Variants in STRN observed in about 807,000 individuals in gnomAD.
STRN encodes the protein striatin, also known as protein phosphatase 2 regulatory subunit B'''alpha.
A neutral mutation model predicts 96.3 loss-of-function variants in STRN; 53 were observed. The observed-to-expected ratio is 0.55, with a 90% confidence interval of 0.44 to 0.69. STRN has a LOEUF of 0.69. Ranked by LOEUF, STRN falls within the 30% of genes least tolerant of loss-of-function variation. The pLI, the probability that STRN is intolerant of heterozygous loss-of-function variation, is 0.00. For missense variants in STRN, 987 were observed against 963.9 expected, an observed-to-expected ratio of 1.02 and a Z score of -0.32; for synonymous variants, 428 against 355.9, an observed-to-expected ratio of 1.20 and a Z score of -2.28.
chr2:36,930,227 T>A, intron 1 of STRN, among the ~76,000 whole-genome samples: 1 of 151,946 alleles, frequency 6.6e-6, no homozygotes, highest in African/African-American at 2.4e-5. Context: ...AGGTCAGGAG[T>A]TCGAGACCAG....
At chr2:36,912,376 C>T (rs979122382) in intron 3 of STRN, among the ~76,000 whole-genome samples, 2 of 152,192 alleles carry the variant, frequency 1.3e-5, no homozygotes, top group Non-Finnish European at 2.9e-5. Flanking sequence ...TTTATTTCTG[C>T]CCTCACCTCT....
At chr2:36,850,898 TC>T in intron 16 of STRN, 101 bp downstream of exon 16, 1 of 822,008 alleles carries the variant, frequency 1.2e-6, no homozygotes, top group Non-Finnish European at 1.9e-6. Context: ...CAGTGCCTAT[TC>T]CCTGACTACG....
At chr2:36,880,373 G>A (rs893158695) in intron 9 of STRN, among the ~76,000 whole-genome samples, 1 of 152,176 alleles carries the variant, frequency 6.6e-6, no homozygotes, top group Admixed American at 6.5e-5. Context: ...CCAGGAGTTT[G>A]AGGCTACAGT....
At chr2:36,930,229 C>A in intron 1 of STRN, among the ~76,000 whole-genome samples, 1 of 151,880 alleles carries the variant, frequency 6.6e-6, no homozygotes, top group East Asian at 1.9e-4. Context: ...GTCAGGAGTT[C>A]GAGACCAGCC....
intron 10 of STRN, among the ~76,000 whole-genome samples, chr2:36,873,471 G>A (rs1049294601): frequency 1.3e-5 from 2 of 152,058 alleles, no homozygotes; most frequent in Admixed American, 1.3e-4. Context: ...GAGATGGGAG[G>A]AGAGCCTGAG....
intron 9 of STRN, among the ~76,000 whole-genome samples, chr2:36,879,691 T>C (rs1423041145): frequency 6.6e-6 from 1 of 152,210 alleles, no homozygotes; most frequent in Non-Finnish European, 1.5e-5. Context: ...GTCAATAAGA[T>C]GAATTTAGTA....
In STRN at chr2:36,848,760, G is replaced by A. The variant is rs189692981; in HGVS notation, c.*696C>T. The A allele has an allele frequency of 5.2e-5, 8 of 152,434 alleles. No individual in the cohort carries two copies. Among genetic ancestry groups the A allele is most frequent in the Admixed American group, 5.2e-4 (8 of 15,288 alleles). 9.4% of individuals were successfully genotyped at this position (152,434 alleles called of 1,614,324 possible). A position where few individuals can be genotyped will look rare whatever the true frequency, so the allele number is the denominator to read the frequency against. On this transcript the variant is annotated 3_prime_UTR_variant, in exon 18 of 18. Transcript: ENST00000263918. Reference sequence around the variant, plus strand: ...GTGAGTGCTTGATAGCTAAACTTTAGAATGATACCAAATCTGTTTTCAAAA... The same window carrying A: ...GTGAGTGCTTGATAGCTAAACTTTAAAATGATACCAAATCTGTTTTCAAAA...
chr2:36,896,576 G>A (rs1669545306), intron 6 of STRN, among the ~76,000 whole-genome samples: 1 of 152,140 alleles, frequency 6.6e-6, no homozygotes, highest in Non-Finnish European at 1.5e-5. Context: ...AAGAAGTTAT[G>A]GGTTGCACAG....
chr2:36,877,898 G>C lies in STRN; in HGVS notation c.1316C>G (p.Thr439Ser). 6.2e-7 allele frequency: 1 copy of C among 1,613,870 alleles called. No individual in the cohort carries two copies. The highest frequency in any genetic ancestry group is 8.5e-7 in the Non-Finnish European group (1 of 1,179,960). Reference sequence around the variant, plus strand: ...AACAAAACTACTACTTACATCATAAGTTAGTGAGTCTGCTTCATTGGCCAC... The same window carrying C: ...AACAAAACTACTACTTACATCATAACTTAGTGAGTCTGCTTCATTGGCCAC... The part of the protein sequence containing the change: ...LTVANEADSL[T>S]YDIANNKDAL... Residue 439 changes from threonine (T) to serine (S), a missense_variant, in exon 10 of 18, where the codon ACT becomes AGT. By Grantham distance (58) the Thr-to-Ser change is moderately conservative. Coordinates refer to ENST00000263918, the MANE Select transcript of STRN (RefSeq NM_003162.4).
At chr2:36,954,425 T>C (rs949887654) in intron 1 of STRN, among the ~76,000 whole-genome samples, 1 of 151,190 alleles carries the variant, frequency 6.6e-6, no homozygotes, top group African/African-American at 2.4e-5. Context: ...GGCAGGAGAA[T>C]TGTTTGAACC....
At chr2:36,906,448 G>C (rs999405543) in intron 3 of STRN, among the ~76,000 whole-genome samples, 1 of 131,804 alleles carries the variant, frequency 7.6e-6, no homozygotes. Context: ...AACAGAGGGA[G>C]GCTCTGTCTC....
chr2:36,858,923 T>TGC (rs1553392700), intron 13 of STRN, among the ~76,000 whole-genome samples: 8 of 152,138 alleles, frequency 5.3e-5, no homozygotes, highest in Non-Finnish European at 1.2e-4. Context: ...AGTGAGAACT[T>TGC]GGAGAGTGAA....
intron 1 of STRN, among the ~76,000 whole-genome samples, chr2:36,956,160 G>T (rs7560263): frequency 0.33 from 49,567 of 152,012 alleles, 8,299 homozygotes; most frequent in East Asian, 0.53. Context: ...ACGGATCACT[G>T]AAACTGGTTC....
chr2:36,850,021 C>T (rs1391003438), intron 16 of STRN, among the ~76,000 whole-genome samples: 1 of 152,190 alleles, frequency 6.6e-6, no homozygotes, highest in Non-Finnish European at 1.5e-5. Context: ...ACACTTTTGT[C>T]TTTTAAGCCA....
At chr2:36,889,902 A>T (rs111952461) in intron 7 of STRN, among the ~76,000 whole-genome samples, 21 of 152,170 alleles carry the variant, frequency 1.4e-4, no homozygotes, top group Admixed American at 4.6e-4. Flanking sequence ...CAAGCATGTG[A>T]CTCATATAAT....
Position 36,925,142 on chromosome 2 carries a change from T to G in STRN, c.301A>C (p.Arg101=), listed in dbSNP as rs750907107. The part of the protein sequence containing the change: ...QENLKKDLVR[R]IKMLEYALKQ... The stretch of plus-strand genomic sequence containing the variant: ...AGAGCATACTCCAACATTTTGATCC[T>G]CCTCACAAGATCCTTCTTCAAATTT... Residue 101 remains arginine, a synonymous_variant, in exon 2 of 18, where the codon AGG becomes CGG. Transcript: ENST00000263918. 1 of 1,613,898 alleles carries G rather than the reference T, an allele frequency of 6.2e-7. No homozygotes were observed. The highest frequency in any genetic ancestry group is 1.7e-5 in the Admixed American group (1 of 60,018).
chr2:36,868,591 A>C (rs1431894351), intron 11 of STRN, among the ~76,000 whole-genome samples: 1 of 152,222 alleles, frequency 6.6e-6, no homozygotes, highest in Non-Finnish European at 1.5e-5. Flanking sequence ...TATAACCAGT[A>C]AACTATTTTT....
Position 36,855,393 on chromosome 2 carries a change from T to C in STRN, c.1838-41A>G, listed in dbSNP as rs770641937. 5.0e-6 allele frequency: 8 copies of C among 1,602,324 alleles called. No individual in the cohort carries two copies. The East Asian group carries it at 1.6e-4, about 31-fold the overall frequency. ...TTGAAATAGAATGGCAATTAAACCA[T>C]CTACTTGACAATCTGCTTAAAATAG... On this transcript the variant is annotated intron_variant, in intron 14 of 17. Coordinates refer to ENST00000263918, the MANE Select transcript of STRN (RefSeq NM_003162.4).
At chr2:36,892,756 C>G (rs1167850434) in intron 7 of STRN, among the ~76,000 whole-genome samples, 34 of 152,196 alleles carry the variant, frequency 2.2e-4, no homozygotes, top group Admixed American at 2.2e-3. Context: ...AGCAGTGGCT[C>G]ATGCTTGATA....
Sources: allele counts gnomAD v4.1 joint callset (sites outside exome capture counted in the v4.1 genomes callset), GRCh38; gene constraint gnomAD v4.1.1; transcripts MANE v1.5; gene names NCBI Gene and HGNC (gene_info 2026-07-23, HGNC 2026-07-21).